FAF1: variants seen among roughly 807,000 people sequenced by gnomAD.
FAF1 encodes the protein Fas associated factor 1.
FAF1 carries 25 observed loss-of-function variants against 92.5 expected under a neutral mutation model. The ratio of observed to expected loss-of-function variants is 0.27; its 90% CI spans 0.20 to 0.38. FAF1 has a LOEUF of 0.38. Among genes scored for constraint, FAF1 ranks in the 10% least tolerant of loss-of-function variants. FAF1 has a pLI of 1.00. For synonymous variants in FAF1, 234 were observed against 273.2 expected (o/e 0.86, Z 1.42); for missense variants, 636 against 793.3 (o/e 0.80, Z 2.38).
intron 4 of FAF1, among the ~76,000 whole-genome samples, chr1:50,765,428 C>A (rs971981369): frequency 6.6e-6 from 1 of 152,044 alleles, no homozygotes; most frequent in Non-Finnish European, 1.5e-5. Context: ...TAGTATTAAA[C>A]CTTCATAATT....
At chr1:50,771,373 C>A (rs776935842) in intron 4 of FAF1, among the ~76,000 whole-genome samples, 18 of 152,014 alleles carry the variant, frequency 1.2e-4, no homozygotes, top group Non-Finnish European at 2.5e-4. Context: ...ATATTTGCAT[C>A]CAATAAAGGT....
chr1:50,485,389 G>A (rs935522625), intron 17 of FAF1, among the ~76,000 whole-genome samples: 15 of 151,820 alleles, frequency 9.9e-5, no homozygotes, highest in African/African-American at 2.2e-4. Flanking sequence ...GAGGCTGGGC[G>A]CGGTGGCTCA....
intron 18 of FAF1, among the ~76,000 whole-genome samples, chr1:50,442,426 C>G (rs72898910): frequency 0.16 from 24,611 of 152,188 alleles, 2,999 homozygotes; most frequent in African/African-American, 0.34. Flanking sequence ...TTGCAGGACT[C>G]ATTGTGAGAA....
intron 4 of FAF1, among the ~76,000 whole-genome samples, chr1:50,750,607 T>C (rs1659817285): frequency 6.6e-6 from 1 of 151,468 alleles, no homozygotes; most frequent in South Asian, 2.1e-4. Context: ...TTTCGAGATT[T>C]ATCCTTTTTC....
chr1:50,692,286 T>G (rs1436366556), intron 7 of FAF1, among the ~76,000 whole-genome samples: 1 of 145,156 alleles, frequency 6.9e-6, no homozygotes, highest in Non-Finnish European at 1.5e-5. Context: ...TGTGTGTGTG[T>G]GTGTGTGGTG....
chr1:50,632,583 T>C (rs941428971), intron 8 of FAF1, among the ~76,000 whole-genome samples: 8 of 152,228 alleles, frequency 5.3e-5, no homozygotes, highest in African/African-American at 1.7e-4. Flanking sequence ...ATTTACACTT[T>C]AGGGGTAAGA....
At chr1:50,480,850 G>A (rs1234287565) in intron 17 of FAF1, among the ~76,000 whole-genome samples, 1 of 152,206 alleles carries the variant, frequency 6.6e-6, no homozygotes, top group Non-Finnish European at 1.5e-5. Flanking sequence ...AGGTATTCCA[G>A]AAGAAAGCAT....
At chr1:50,573,827 A>C (rs369235865) in intron 12 of FAF1, among the ~76,000 whole-genome samples, 101 of 151,486 alleles carry the variant, frequency 6.7e-4, no homozygotes, top group Admixed American at 1.9e-3. Flanking sequence ...CAAAAAAAAA[A>C]AAAACAAAAC....
chr1:50,779,151 C>T (rs1013919113), intron 4 of FAF1, among the ~76,000 whole-genome samples: 14 of 152,190 alleles, frequency 9.2e-5, no homozygotes, highest in East Asian at 3.9e-4. Flanking sequence ...AATTCAGTCA[C>T]GTCTTCAGGC....
At chr1:50,761,934 A>C (rs2124529785) in intron 4 of FAF1, among the ~76,000 whole-genome samples, 1 of 152,246 alleles carries the variant, frequency 6.6e-6, no homozygotes, top group African/African-American at 2.4e-5. Context: ...GTATATCTAG[A>C]AAACCCCATT....
At chr1:50,913,890 C>T (rs1311230234) in intron 1 of FAF1, among the ~76,000 whole-genome samples, 1 of 152,194 alleles carries the variant, frequency 6.6e-6, no homozygotes, top group African/African-American at 2.4e-5. Context: ...TTTCCATGCT[C>T]ACCAATCCAT....
At chr1:50,933,736 C>T (rs758958707) in intron 1 of FAF1, among the ~76,000 whole-genome samples, 1 of 152,208 alleles carries the variant, frequency 6.6e-6, no homozygotes, top group Non-Finnish European at 1.5e-5. Context: ...GATACAGACA[C>T]ATCCAAAACA....
intron 12 of FAF1, among the ~76,000 whole-genome samples, chr1:50,573,458 A>G (rs374262419): frequency 6.6e-6 from 1 of 152,330 alleles, no homozygotes; most frequent in South Asian, 2.1e-4. Flanking sequence ...AAGATAAAAA[A>G]CAAAGGAAAA....
At chr1:50,461,026 T>C (rs1646422300) in intron 18 of FAF1, among the ~76,000 whole-genome samples, 1 of 152,076 alleles carries the variant, frequency 6.6e-6, no homozygotes, top group African/African-American at 2.4e-5. Context: ...TTGATGAAAA[T>C]GTGACGAGAG....
At chr1:50,678,486 T>A (rs1249728224) in intron 7 of FAF1, among the ~76,000 whole-genome samples, 1 of 152,190 alleles carries the variant, frequency 6.6e-6, no homozygotes, top group South Asian at 2.1e-4. Context: ...AGTTGCTTTT[T>A]AAAAAATACA....
At chr1:50,466,880 C>G (rs1438942899) in intron 18 of FAF1, among the ~76,000 whole-genome samples, 4 of 152,194 alleles carry the variant, frequency 2.6e-5, no homozygotes, top group African/African-American at 4.8e-5. Flanking sequence ...AACATTAGAC[C>G]TTTTTCCTCA....
intron 4 of FAF1, among the ~76,000 whole-genome samples, chr1:50,754,026 G>C (rs778578966): frequency 5.9e-5 from 9 of 152,062 alleles, no homozygotes; most frequent in Non-Finnish European, 1.3e-4. Flanking sequence ...AAACTGCTGG[G>C]ATTACAGACG....
At chr1:50,587,829 G>A (rs754538494) in intron 9 of FAF1, among the ~76,000 whole-genome samples, 1 of 152,148 alleles carries the variant, frequency 6.6e-6, no homozygotes, top group Non-Finnish European at 1.5e-5. Context: ...TAAATCATAG[G>A]GGGTAGGAAT....
chr1:50,526,796 T>C (rs1480247872), intron 15 of FAF1, among the ~76,000 whole-genome samples: 1 of 151,982 alleles, frequency 6.6e-6, no homozygotes, highest in Non-Finnish European at 1.5e-5. Context: ...ACATTCCCAC[T>C]AGCAGCCAAT....
Sources: allele counts gnomAD v4.1 joint callset (sites outside exome capture counted in the v4.1 genomes callset), GRCh38; gene constraint gnomAD v4.1.1; transcripts MANE v1.5; gene names NCBI Gene and HGNC (gene_info 2026-07-23, HGNC 2026-07-21).